The following CC2D2A variants were observed in gnomAD, a reference collection of about 807,000 sequenced individuals.
CC2D2A encodes the protein coiled-coil and C2 domain containing 2A, also known as coiled-coil and C2 domain-containing protein 2A.
In CC2D2A, 155 loss-of-function variants were observed where a neutral mutation model predicts 212.9. That is an observed-to-expected ratio of 0.73 (90% confidence interval 0.64 to 0.83). The LOEUF is 0.83. Ranked by LOEUF, CC2D2A falls within the 40% of genes least tolerant of loss-of-function variation. CC2D2A has a pLI of 0.00. For synonymous variants in CC2D2A, 667 were observed against 686.5 expected (o/e 0.97, Z 0.44); for missense variants, 1,856 against 1,956.2 (o/e 0.95, Z 0.97).
intron 4 of CC2D2A, among the ~76,000 whole-genome samples, chr4:15,484,979 G>A (rs762139339): frequency 2.6e-5 from 4 of 152,010 alleles, no homozygotes; most frequent in East Asian, 1.9e-4. Context: ...ATCACCTCCC[G>A]GCATTTTCCA....
At chr4:15,472,940 G>T (rs1368343657) in intron 1 of CC2D2A, among the ~76,000 whole-genome samples, 1 of 152,130 alleles carries the variant, frequency 6.6e-6, no homozygotes, top group Non-Finnish European at 1.5e-5. Flanking sequence ...ACCTGACCAA[G>T]TCCCAGTTAA....
chr4:15,497,614 AT>A (rs1339735648), intron 4 of CC2D2A, among the ~76,000 whole-genome samples: 1 of 152,236 alleles, frequency 6.6e-6, no homozygotes, highest in African/African-American at 2.4e-5. Flanking sequence ...AGCAATTTAT[AT>A]TCCTACCAGC....
intron 4 of CC2D2A, among the ~76,000 whole-genome samples, chr4:15,490,347 G>A (rs1206002959): frequency 6.6e-6 from 1 of 152,100 alleles, no homozygotes; most frequent in Non-Finnish European, 1.5e-5. Context: ...TTCTATCCCT[G>A]TAAGTGTGTC....
intron 14 of CC2D2A, 116 bp from the exon 15 acceptor site, chr4:15,536,804 C>T (rs188104205): frequency 6.5e-5 from 60 of 928,358 alleles, no homozygotes; most frequent in Admixed American, 5.3e-4. Flanking sequence ...TTTACATGTG[C>T]GACATTTTTA....
intron 1 of CC2D2A, among the ~76,000 whole-genome samples, chr4:15,473,756 T>C (rs1335403686): frequency 6.6e-6 from 1 of 152,144 alleles, no homozygotes; most frequent in Non-Finnish European, 1.5e-5. Context: ...TGGAAATGTT[T>C]AGAAGTGATT....
At chr4:15,546,978 A>C (rs969818740) in intron 17 of CC2D2A, among the ~76,000 whole-genome samples, 1 of 152,190 alleles carries the variant, frequency 6.6e-6, no homozygotes, top group African/African-American at 2.4e-5. Flanking sequence ...TATCCCGAAG[A>C]AAGCCATGGG....
At chr4:15,559,578 G>A (rs1327406164) in intron 22 of CC2D2A, among the ~76,000 whole-genome samples, 1 of 151,914 alleles carries the variant, frequency 6.6e-6, no homozygotes, top group Non-Finnish European at 1.5e-5. Flanking sequence ...TTTGTAATCA[G>A]AAAAAAACAA....
At chr4:15,557,273 T>A (rs370989296) in intron 20 of CC2D2A, 31 bp from the exon 21 acceptor site, 15 of 1,518,402 alleles carry the variant, frequency 9.9e-6, no homozygotes, top group Non-Finnish European at 1.2e-5. Context: ...CTGACTGTCA[T>A]CTGGAGTTTT....
In CC2D2A at chr4:15,584,840, G is replaced by C. The variant is rs1202471013; in HGVS notation, c.3976-1317G>C. Among the ~76,000 whole-genome samples the C allele has an allele frequency of 3.9e-5, 6 of 152,258 alleles. 1 individual carries two copies. The East Asian group carries it at 1.2e-3, about 29-fold the overall frequency. ...TAGTTTGATTTAAAAATTAGCAAAA[G>C]AGCTGAATTGGTATTTCTCAAAAGA... is the stretch of plus-strand genomic sequence containing the variant. On this transcript the variant is annotated intron_variant, in intron 30 of 36. Coordinates refer to ENST00000424120, the MANE Select transcript of CC2D2A (RefSeq NM_001378615.1).
chr4:15,599,463 C>T (rs1023082351), intron 35 of CC2D2A, 66 bp from the exon 36 acceptor site: 46 of 1,067,212 alleles, frequency 4.3e-5, no homozygotes, highest in African/African-American at 2.1e-4. Flanking sequence ...CCACTACATA[C>T]TACATACATT....
At chr4:15,501,424 A>G (rs1270366439) in intron 4 of CC2D2A, among the ~76,000 whole-genome samples, 1 of 152,064 alleles carries the variant, frequency 6.6e-6, no homozygotes, top group African/African-American at 2.4e-5. Context: ...CGCTGCTTGC[A>G]TTCATGTCCT....
In CC2D2A at chr4:15,586,140, T is replaced by C; in HGVS notation, c.3976-17T>C. ...TTATTATAAATTATTTTTGTAAAGC[T>C]CATTTTGATTATACAGGAACTGGTG... is the stretch of plus-strand genomic sequence containing the variant. On this transcript the variant is annotated splice_polypyrimidine_tract_variant and intron_variant, in intron 30 of 36. Transcript: ENST00000424120. 6.4e-7 allele frequency: 1 copy of C among 1,574,264 alleles called. No individual in the cohort carries two copies. Among genetic ancestry groups the C allele is most frequent in the Non-Finnish European group, 8.7e-7 (1 of 1,146,034 alleles).
chr4:15,559,151 C>G lies in CC2D2A; in HGVS notation c.2830-14C>G. ...AGAGAGTGCTTTAAAATCATTGCCT[C>G]TTTTTAATTTTAGGACTATGAGAAA... On this transcript the variant is annotated splice_polypyrimidine_tract_variant and intron_variant, in intron 21 of 36. Coordinates refer to ENST00000424120, the MANE Select transcript of CC2D2A (RefSeq NM_001378615.1). 6.7e-7 allele frequency: 1 copy of G among 1,496,550 alleles called. No individual in the cohort carries two copies. The highest frequency in any genetic ancestry group is 9.1e-7 in the Non-Finnish European group (1 of 1,104,158). 92.7% of individuals were successfully genotyped at this position (1,496,550 alleles called of 1,614,324 possible).
chr4:15,520,518 G>C (rs933995320), intron 11 of CC2D2A, among the ~76,000 whole-genome samples: 11 of 152,184 alleles, frequency 7.2e-5, no homozygotes, highest in African/African-American at 2.4e-4. Flanking sequence ...TTAGAAAACA[G>C]AAGAGTAATT....
chr4:15,489,436 G>A (rs976013812), intron 4 of CC2D2A, among the ~76,000 whole-genome samples: 6 of 152,100 alleles, frequency 3.9e-5, no homozygotes, highest in East Asian at 1.9e-4. Flanking sequence ...ATTCACCAAC[G>A]CTGCAGTTCA....
At chr4:15,549,860 T>G (rs963062704) in intron 17 of CC2D2A, among the ~76,000 whole-genome samples, 2 of 152,170 alleles carry the variant, frequency 1.3e-5, no homozygotes, top group South Asian at 2.1e-4. Context: ...AAAGAATCCA[T>G]GGTGTCATCT....
intron 9 of CC2D2A, among the ~76,000 whole-genome samples, chr4:15,515,242 C>G (rs956041500): frequency 2.0e-5 from 3 of 152,146 alleles, no homozygotes; most frequent in African/African-American, 7.2e-5. Flanking sequence ...TTGTAGAGAC[C>G]TTTGCTTCCT....
intron 14 of CC2D2A, among the ~76,000 whole-genome samples, chr4:15,533,834 C>G (rs1254474977): frequency 6.6e-6 from 1 of 152,168 alleles, no homozygotes; most frequent in Non-Finnish European, 1.5e-5. Context: ...TCAACTGTTA[C>G]AGAAACCACT....
chr4:15,592,355 C>T (rs1474312694), intron 33 of CC2D2A, among the ~76,000 whole-genome samples: 1 of 152,190 alleles, frequency 6.6e-6, no homozygotes, highest in East Asian at 1.9e-4. Context: ...CTTGCTTTCA[C>T]TTTATAAGCA....
Sources: allele counts gnomAD v4.1 joint callset (sites outside exome capture counted in the v4.1 genomes callset), GRCh38; gene constraint gnomAD v4.1.1; transcripts MANE v1.5; gene names NCBI Gene and HGNC (gene_info 2026-07-23, HGNC 2026-07-21).